Variants in FAM184A observed in about 807,000 individuals in gnomAD.
FAM184A encodes protein FAM184A.
In FAM184A, 99 loss-of-function variants were observed where a neutral mutation model predicts 143.8. That is an observed-to-expected ratio of 0.69 (90% CI 0.58 to 0.81). The LOEUF (loss-of-function observed/expected upper bound fraction) is 0.81, where lower values mean the gene tolerates loss of function less well. Ranked by LOEUF, FAM184A falls within the 40% of genes least tolerant of loss-of-function variation. FAM184A has a pLI of 0.00. For missense variants in FAM184A, 1,217 were observed against 1,310.5 expected (o/e 0.93, Z 1.10); for synonymous variants, 427 against 446.4 (o/e 0.96, Z 0.55).
intron 9 of FAM184A, among the ~76,000 whole-genome samples, chr6:118,986,389 A>G (rs947735166): frequency 2.0e-5 from 3 of 152,246 alleles, no homozygotes; most frequent in Admixed American, 6.5e-5. Flanking sequence ...AGATGTATCA[A>G]TAACAGTCAC....
At chr6:119,115,150 T>C (rs1209486856) in intron 1 of FAM184A, among the ~76,000 whole-genome samples, 4 of 152,264 alleles carry the variant, frequency 2.6e-5, no homozygotes, top group Non-Finnish European at 5.9e-5. Flanking sequence ...ATGGTCTTCA[T>C]TTTTCCATCA....
intron 1 of FAM184A, among the ~76,000 whole-genome samples, chr6:119,145,277 T>C (rs1163918396): frequency 6.6e-6 from 1 of 152,190 alleles, no homozygotes; most frequent in Non-Finnish European, 1.5e-5. Context: ...TTCCTCCCAT[T>C]GTCTGCTAGG....
exon 1 of FAM184A, chr6:119,149,127 C>G (rs1405048216): frequency 1.3e-5 from 2 of 152,144 alleles, no homozygotes; most frequent in Non-Finnish European, 2.9e-5. Context: ...CATCATTATG[C>G]TAAATAAACG....
intron 1 of FAM184A, among the ~76,000 whole-genome samples, chr6:119,071,125 T>C (rs1787670511): frequency 6.6e-6 from 1 of 152,162 alleles, no homozygotes. Context: ...TTAATTAAAA[T>C]GAAGAAATTA....
At chr6:118,973,252 T>G (rs921583779) in intron 14 of FAM184A, among the ~76,000 whole-genome samples, 3 of 152,220 alleles carry the variant, frequency 2.0e-5, no homozygotes, top group Admixed American at 1.3e-4. Flanking sequence ...TGTGTGCGTC[T>G]GTATGTGTGT....
intron 1 of FAM184A, among the ~76,000 whole-genome samples, chr6:119,069,831 T>C (rs930305020): frequency 9.9e-5 from 15 of 152,166 alleles, no homozygotes; most frequent in Non-Finnish European, 1.5e-5. Flanking sequence ...TAATTCATTC[T>C]CTAATAATTT....
At chr6:119,021,451 G>C (rs940800881) in intron 3 of FAM184A, among the ~76,000 whole-genome samples, 1 of 152,192 alleles carries the variant, frequency 6.6e-6, no homozygotes, top group Non-Finnish European at 1.5e-5. Flanking sequence ...CAAGCCCTAA[G>C]AAATGAACTG....
intron 6 of FAM184A, among the ~76,000 whole-genome samples, chr6:119,007,833 T>C (rs1187626905): frequency 6.6e-6 from 1 of 151,552 alleles, no homozygotes; most frequent in African/African-American, 2.4e-5. Flanking sequence ...CCCAGCTACC[T>C]GAGAGGCTGA....
chr6:118,978,582 A>G lies in FAM184A; in HGVS notation c.2455+783T>C, dbSNP rs559138808. Among the ~76,000 whole-genome samples the G allele has an allele frequency of 3.3e-5, 5 of 152,292 alleles. No individual in the cohort carries two copies. The East Asian group carries it at 9.7e-4, about 29-fold the overall frequency. On this transcript the variant is annotated intron_variant, in intron 11 of 17. Transcript: ENST00000338891. The stretch of plus-strand genomic sequence containing the variant: ...TAGTGGGTTTTAAAGGAGGAAGAGG[A>G]GAGCTTTAACGACTTGGTCTGGGAC...
intron 1 of FAM184A, among the ~76,000 whole-genome samples, chr6:119,098,819 A>G (rs900173588): frequency 2.0e-5 from 3 of 152,176 alleles, no homozygotes; most frequent in Non-Finnish European, 2.9e-5. Flanking sequence ...AAAACAACTC[A>G]GGTACATGTG....
At chr6:118,973,084 C>A (rs1439944799) in intron 14 of FAM184A, among the ~76,000 whole-genome samples, 2 of 152,154 alleles carry the variant, frequency 1.3e-5, no homozygotes, top group Non-Finnish European at 2.9e-5. Context: ...GAGAAAGAAT[C>A]ATAAAATTCA....
chr6:119,084,125 C>T (rs1788150050), intron 1 of FAM184A, among the ~76,000 whole-genome samples: 1 of 151,980 alleles, frequency 6.6e-6, no homozygotes, highest in Non-Finnish European at 1.5e-5. Flanking sequence ...GGAGGTCCCA[C>T]TTTAAACCAT....
intron 9 of FAM184A, among the ~76,000 whole-genome samples, chr6:118,987,460 G>GA (rs1159769414): frequency 2.0e-5 from 3 of 152,138 alleles, no homozygotes; most frequent in African/African-American, 4.8e-5. Context: ...GATATACAAA[G>GA]AAAAATGTTT....
chr6:118,989,487 T>C (rs1340039578), intron 9 of FAM184A, among the ~76,000 whole-genome samples: 1 of 116,140 alleles, frequency 8.6e-6, no homozygotes, highest in Non-Finnish European at 2.1e-5. Context: ...CATATTGCAA[T>C]TATTTCTTCA....
Position 119,120,269 on chromosome 6 carries a change from T to C in FAM184A, c.-202+28809A>G, listed in dbSNP as rs935505048. On this transcript the variant is annotated intron_variant, in intron 1 of 16. Transcript: ENST00000352896. The stretch of plus-strand genomic sequence containing the variant: ...TTGATAGAAGTGACATCATACAATA[T>C]ATGGTATTCTGTATCTTTCAGGAAA... 2.6e-5 allele frequency among the ~76,000 whole-genome samples: 4 copies of C among 152,362 alleles called. No individual in the cohort carries two copies. In the South Asian group the frequency reaches 6.2e-4, roughly 24 times the overall value.
chr6:119,068,862 C>A (rs1433375312), intron 1 of FAM184A, among the ~76,000 whole-genome samples: 1 of 152,126 alleles, frequency 6.6e-6, no homozygotes, highest in African/African-American at 2.4e-5. Flanking sequence ...AGTATAGTTT[C>A]TTTATCCAAG....
chr6:119,028,182 C>G (rs1008680169), intron 1 of FAM184A, among the ~76,000 whole-genome samples: 1 of 152,204 alleles, frequency 6.6e-6, no homozygotes, highest in Admixed American at 6.5e-5. Context: ...GCTGGTCCCC[C>G]CCTGCTTAGC....
intron 1 of FAM184A, among the ~76,000 whole-genome samples, chr6:119,101,926 T>C (rs1788647481): frequency 6.6e-6 from 1 of 151,902 alleles, no homozygotes; most frequent in Admixed American, 6.6e-5. Context: ...CTTGGTGGCG[T>C]GTGCCTGTAA....
At chr6:119,134,144 T>C (rs1181836242) in intron 1 of FAM184A, among the ~76,000 whole-genome samples, 4 of 151,836 alleles carry the variant, frequency 2.6e-5, no homozygotes, top group Non-Finnish European at 5.9e-5. Flanking sequence ...CTCAAACTAT[T>C]GACAAAAGAT....
Sources: allele counts gnomAD v4.1 joint callset (sites outside exome capture counted in the v4.1 genomes callset), GRCh38; gene constraint gnomAD v4.1.1; transcripts MANE v1.5; gene names NCBI Gene and HGNC (gene_info 2026-07-23, HGNC 2026-07-21).